ABHD13: variants seen among roughly 807,000 people sequenced by gnomAD.
The protein encoded by ABHD13 is abhydrolase domain containing 13.
ABHD13 carries 7 observed loss-of-function variants against 25.2 expected under a neutral mutation model. The observed-to-expected ratio is 0.28, with a 90% confidence interval of 0.16 to 0.52. The LOEUF is 0.52. Among genes scored for constraint, ABHD13 ranks in the 20% least tolerant of loss-of-function variants. ABHD13 has a pLI of 0.96. For missense variants in ABHD13, 302 were observed against 402.7 expected (o/e 0.75, Z 2.14); for synonymous variants, 133 against 136.1 (o/e 0.98, Z 0.16).
intron 1 of ABHD13, among the ~76,000 whole-genome samples, chr13:108,223,933 T>A (rs1879619546): frequency 6.6e-6 from 1 of 152,208 alleles, no homozygotes; most frequent in Non-Finnish European, 1.5e-5. Context: ...TCGTGCTAAA[T>A]GAATAAAAAT....
chr13:108,225,748 A>T (rs1879659566), intron 1 of ABHD13, among the ~76,000 whole-genome samples: 1 of 152,176 alleles, frequency 6.6e-6, no homozygotes, highest in Admixed American at 6.5e-5. Context: ...TTCATTTAAG[A>T]TGTAGACATA....
In ABHD13 at chr13:108,218,572, GAGCGACGGA is replaced by G. The variant is rs1879444665; in HGVS notation, c.-100_-92del. ...CCCTGGGCTGGAGGAGGATGATGAGGAGCGACGGAAGCGACGCGGGGGTACGCTGCTGCG... is the reference window on the plus strand; with the variant it reads ...CCCTGGGCTGGAGGAGGATGATGAGGAGCGACGCGGGGGTACGCTGCTGCG... On this transcript the variant is annotated 5_prime_UTR_variant, in exon 1 of 2. Coordinates refer to ENST00000375898, the MANE Select transcript of ABHD13 (RefSeq NM_032859.3). The G allele has an allele frequency of 6.6e-6, 1 of 152,076 alleles. No individual in the cohort carries two copies. The highest frequency in any genetic ancestry group is 1.5e-5 in the Non-Finnish European group (1 of 68,032). 9.4% of individuals were successfully genotyped at this position (152,076 alleles called of 1,614,324 possible).
At chr13:108,220,241 G>A (rs1408052470) in intron 1 of ABHD13, among the ~76,000 whole-genome samples, 2 of 152,162 alleles carry the variant, frequency 1.3e-5, no homozygotes, top group Non-Finnish European at 2.9e-5. Context: ...AATGATTAAA[G>A]CAAGCCAGGT....
rs148022496 is a variant in ABHD13 at position 108,231,057 on chromosome 13, G to A, written c.*825G>A. 4.5e-3 allele frequency: 748 copies of A among 166,728 alleles called. No homozygotes were observed. Among genetic ancestry groups the A allele is most frequent in the Middle Eastern group, 0.01 (3 of 296 alleles). The allele number at this position is 166,728 out of a possible 1,614,324, so 10.3% of individuals were successfully genotyped here. A position where few individuals can be genotyped will look rare whatever the true frequency, so the allele number is the denominator to read the frequency against. On this transcript the variant is annotated 3_prime_UTR_variant, in exon 2 of 2. Transcript: ENST00000375898. Reference sequence around the variant, plus strand: ...GGCAAAGAGAATTTTAGCTTCTATCGATTTTGTAAGTCTTCAGCTGAACCA... The same window carrying A: ...GGCAAAGAGAATTTTAGCTTCTATCAATTTTGTAAGTCTTCAGCTGAACCA...
rs1566383448 is a variant in ABHD13 at position 108,232,748 on chromosome 13, T to C, written c.*2516T>C. On this transcript the variant is annotated 3_prime_UTR_variant, in exon 2 of 2. Transcript: ENST00000375898. ...TAAATATGGCAAGATACAGCTCATT[T>C]AGAATAAAATCTCACATCCATTATT... is the stretch of plus-strand genomic sequence containing the variant. The C allele has an allele frequency of 1.2e-5, 2 of 166,878 alleles. No homozygotes were observed. The highest frequency in any genetic ancestry group is 4.8e-5 in the African/African-American group (2 of 41,436). 10.3% of individuals were successfully genotyped at this position (166,878 alleles called of 1,614,324 possible). A position where few individuals can be genotyped will look rare whatever the true frequency, so the allele number is the denominator to read the frequency against.
intron 1 of ABHD13, among the ~76,000 whole-genome samples, chr13:108,221,845 T>C (rs1366425137): frequency 6.6e-6 from 1 of 151,584 alleles, no homozygotes; most frequent in Non-Finnish European, 1.5e-5. Context: ...ATGTACACTT[T>C]TTTTTTTTTT....
rs553536423 is a variant in ABHD13, at chr13:108,226,390, C to T, written c.-20-2809C>T. ...TTCAGAAAAGCCCCTGTTTATACTT[C>T]CCACTGGGCATGTTTAGCCCTGCTC... is the stretch of plus-strand genomic sequence containing the variant. On this transcript the variant is annotated intron_variant, in intron 1 of 1. Transcript: ENST00000375898. 3.9e-5 allele frequency among the ~76,000 whole-genome samples: 6 copies of T among 152,256 alleles called. No homozygotes were observed. The South Asian group carries it at 6.2e-4, about 16-fold the overall frequency.
Position 108,230,254 on chromosome 13 carries a change from C to T in ABHD13, c.*22C>T, listed in dbSNP as rs775411497. 3.3e-6 allele frequency: 5 copies of T among 1,516,340 alleles called. No homozygotes were observed. Among genetic ancestry groups the T allele is most frequent in the Non-Finnish European group, 4.5e-6 (5 of 1,123,094 alleles). The allele number at this position is 1,516,340 out of a possible 1,614,324, so 93.9% of individuals were successfully genotyped here. A position where few individuals can be genotyped will look rare whatever the true frequency, so the allele number is the denominator to read the frequency against. ...ATAATGTTTCCCTTTTTGATTATTG[C>T]ATTGTATTTTAATTTGTGCAGAATG... On this transcript the variant is annotated 3_prime_UTR_variant, in exon 2 of 2. Coordinates refer to ENST00000375898, the MANE Select transcript of ABHD13 (RefSeq NM_032859.3).
rs150069276 is a variant in ABHD13 at position 108,229,531 on chromosome 13, C to G, written c.313C>G (p.Arg105Gly). 1.3e-5 allele frequency: 21 copies of G among 1,613,256 alleles called. No individual in the cohort carries two copies. The highest frequency in any genetic ancestry group is 6.7e-5 in the African/African-American group (5 of 74,872). The stretch of plus-strand genomic sequence containing the variant: ...AATACGTCTGAATCTTATTTTGATA[C>G]GATACACTGGAGACAATTCACCCTA... ...DGIRLNLILI[R>G]YTGDNSPYSP... The change falls in exon 2 of 2, where the codon CGA (arginine) becomes GGA (glycine). Residue 105 changes from arginine (R) to glycine (G), a missense_variant. By Grantham distance (125) the Arg-to-Gly change is moderately radical. Transcript: ENST00000375898. The surrounding 1 kb of genome is among the most constrained non-coding windows in gnomAD (Gnocchi z 4.7).
At chr13:108,222,983 TCC>T (rs1879599255) in intron 1 of ABHD13, among the ~76,000 whole-genome samples, 1 of 152,230 alleles carries the variant, frequency 6.6e-6, no homozygotes, top group South Asian at 2.1e-4. Flanking sequence ...TTGGTACGAC[TCC>T]ATCACCCAAC....
intron 1 of ABHD13, among the ~76,000 whole-genome samples, chr13:108,228,416 G>A (rs564893800): frequency 3.3e-5 from 5 of 151,834 alleles, no homozygotes; most frequent in African/African-American, 9.7e-5. Flanking sequence ...AGATACTGCC[G>A]ATCTCATGAC....
chr13:108,232,365 G>A lies in ABHD13; in HGVS notation c.*2133G>A, dbSNP rs1213983706. On this transcript the variant is annotated 3_prime_UTR_variant, in exon 2 of 2. Coordinates refer to ENST00000375898, the MANE Select transcript of ABHD13 (RefSeq NM_032859.3). ...TTAGGGTTAAGGAGCCTTTCTTTCT[G>A]CAGCTAAGGGCAGAGGCTGTGCCTA... The A allele has an allele frequency of 1.2e-5, 2 of 166,856 alleles. No homozygotes were observed. The highest frequency in any genetic ancestry group is 2.9e-5 in the Non-Finnish European group (2 of 68,018). The allele number at this position is 166,856 out of a possible 1,614,324, so 10.3% of individuals were successfully genotyped here.
chr13:108,228,663 GA>G (rs933228654), intron 1 of ABHD13, among the ~76,000 whole-genome samples: 5 of 150,964 alleles, frequency 3.3e-5, no homozygotes, highest in Non-Finnish European at 5.9e-5. Flanking sequence ...TACCGTATGT[GA>G]AAAAAATTGA....
chr13:108,229,815 T>C lies in ABHD13; in HGVS notation c.597T>C (p.Ala199=), dbSNP rs1879757683. The change falls in exon 2 of 2, where the codon GCT becomes GCC. Residue 199 remains alanine (A), a synonymous_variant. Coordinates refer to ENST00000375898, the MANE Select transcript of ABHD13 (RefSeq NM_032859.3). This position sits in a 1 kb window ranked among gnomAD's most constrained non-coding sequence, Gnocchi z 4.7. ...GCCGTTCCTTGGGTGGAGCAGTGGC[T>C]ATTCATTTGGCTTCTGAAAATTCAC... ...LFGRSLGGAV[A]IHLASENSHR... 3.1e-6 allele frequency: 5 copies of C among 1,613,342 alleles called. No homozygotes were observed. The Admixed American group carries it at 6.7e-5, about 22-fold the overall frequency.
chr13:108,220,278 C>T (rs2139007926), intron 1 of ABHD13, among the ~76,000 whole-genome samples: 1 of 152,286 alleles, frequency 6.6e-6, no homozygotes, highest in African/African-American at 2.4e-5. Context: ...TGGCACACTG[C>T]CCTCTTCTTG....
chr13:108,224,411 C>A (rs868519051), intron 1 of ABHD13, among the ~76,000 whole-genome samples: 1 of 152,102 alleles, frequency 6.6e-6, no homozygotes, highest in African/African-American at 2.4e-5. Context: ...TTTCACAGCT[C>A]CCCTGGGAGC....
chr13:108,222,039 C>T (rs1470563818), intron 1 of ABHD13, among the ~76,000 whole-genome samples: 1 of 152,024 alleles, frequency 6.6e-6, no homozygotes, highest in Non-Finnish European at 1.5e-5. Flanking sequence ...GGTGTTTTAC[C>T]ATGTTGCCCG....
At chr13:108,221,214 A>G (rs1879560687) in intron 1 of ABHD13, among the ~76,000 whole-genome samples, 1 of 152,232 alleles carries the variant, frequency 6.6e-6, no homozygotes, top group African/African-American at 2.4e-5. Context: ...CCATAGGACT[A>G]TTAATACACA....
chr13:108,229,160 A>G lies in ABHD13; in HGVS notation c.-20-39A>G. On this transcript the variant is annotated intron_variant, in intron 1 of 1. Transcript: ENST00000375898. This position sits in a 1 kb window ranked among gnomAD's most constrained non-coding sequence, Gnocchi z 4.7. The stretch of plus-strand genomic sequence containing the variant: ...ATTGTGGATTTTTAAAAGAATAGAT[A>G]GACGTTGAATTATTGATATTCTCCC... The G allele has an allele frequency of 7.0e-7, 1 of 1,418,764 alleles. No individual in the cohort carries two copies. Among genetic ancestry groups the G allele is most frequent in the South Asian group, 1.4e-5 (1 of 68,966 alleles). The allele number at this position is 1,418,764 out of a possible 1,614,324, so 87.9% of individuals were successfully genotyped here. A position where few individuals can be genotyped will look rare whatever the true frequency, so the allele number is the denominator to read the frequency against.
Sources: gnomAD v4.1 joint callset for allele counts (sites outside exome capture counted in the v4.1 genomes callset) on GRCh38, gnomAD v4.1.1 for gene constraint, Gnocchi (gnomAD v3.1) non-coding constraint, MANE v1.5 for transcripts, NCBI Gene and HGNC (gene_info 2026-07-23, HGNC 2026-07-21) for gene names.